EYS: variants seen among roughly 807,000 people sequenced by gnomAD.
The protein encoded by EYS is EGF-like photoreceptor maintenance factor.
Under a neutral mutation model 282.1 loss-of-function variants are expected in EYS, and 250 were observed. That is an observed-to-expected ratio of 0.89 (90% CI 0.80 to 0.98). EYS has a LOEUF of 0.98. Ranked by LOEUF, EYS falls within the 50% of genes least tolerant of loss-of-function variation. The probability of loss-of-function intolerance (pLI) is 0.00; values close to 1 mark genes in which losing one functional copy is unlikely to be tolerated. For synonymous variants in EYS, 1,355 were observed against 1,282.9 expected (o/e 1.06, Z -1.20); for missense variants, 4,016 against 3,709.0 (o/e 1.08, Z -2.15).
chr6:63,965,628 C>A (rs1345103176), intron 35 of EYS, among the ~76,000 whole-genome samples: 1 of 152,114 alleles, frequency 6.6e-6, no homozygotes, highest in Non-Finnish European at 1.5e-5. Flanking sequence ...TTTTCTATTT[C>A]AATTCTAACT....
chr6:65,418,316 C>A (rs1386723306), intron 5 of EYS, among the ~76,000 whole-genome samples: 1 of 151,968 alleles, frequency 6.6e-6, no homozygotes, highest in Non-Finnish European at 1.5e-5. Flanking sequence ...GGTTCTAGAT[C>A]CTTGAGGAAT....
intron 35 of EYS, among the ~76,000 whole-genome samples, chr6:63,898,507 AAAT>A (rs199863460): frequency 2.0e-5 from 3 of 149,306 alleles, no homozygotes; most frequent in Non-Finnish European, 4.4e-5. Flanking sequence ...ATAATAATAA[AAAT>A]AAATAAATAA....
At chr6:63,771,339 A>G (rs1360537707) in intron 40 of EYS, among the ~76,000 whole-genome samples, 1 of 152,174 alleles carries the variant, frequency 6.6e-6, no homozygotes, top group Non-Finnish European at 1.5e-5. Context: ...ATTGCCATGT[A>G]TTTACTGCAG....
rs16896819 is a variant in EYS at position 65,540,618 on chromosome 6, T to C, written c.-332-44625A>G. 7.7e-3 allele frequency among the ~76,000 whole-genome samples: 1,172 copies of C among 152,276 alleles called. 18 individuals carry two copies. Among genetic ancestry groups the C allele is most frequent in the African/African-American group, 0.025 (1,050 of 41,560 alleles). ...TTATATAGTAGGAAGCAATATTCTT[T>C]TAAAACTTAGAGAAAGGTGGCCGGG... On this transcript the variant is annotated intron_variant, in intron 2 of 42. Coordinates refer to ENST00000503581, the MANE Select transcript of EYS (RefSeq NM_001142800.2).
chr6:63,907,082 T>A (rs999250339), intron 35 of EYS, among the ~76,000 whole-genome samples: 1 of 152,166 alleles, frequency 6.6e-6, no homozygotes, highest in East Asian at 1.9e-4. Flanking sequence ...GGTGTTCTAT[T>A]TCCATAACTG....
chr6:65,315,087 A>T (rs908260584), intron 11 of EYS, among the ~76,000 whole-genome samples: 35 of 152,206 alleles, frequency 2.3e-4, no homozygotes, highest in African/African-American at 7.7e-4. Context: ...ATAGGGATAC[A>T]TTAATACCTG....
intron 22 of EYS, among the ~76,000 whole-genome samples, chr6:64,658,677 T>C (rs921713304): frequency 6.6e-6 from 1 of 152,206 alleles, no homozygotes; most frequent in Non-Finnish European, 1.5e-5. Context: ...CGGATATTGG[T>C]GAGCAGCAAA....
At chr6:64,663,067 A>T (rs1769100635) in intron 22 of EYS, among the ~76,000 whole-genome samples, 1 of 152,076 alleles carries the variant, frequency 6.6e-6, no homozygotes. Context: ...AGAGGGCTAG[A>T]TTTTTAAAAA....
At chr6:64,294,348 T>C (rs1768826063) in intron 30 of EYS, among the ~76,000 whole-genome samples, 1 of 152,182 alleles carries the variant, frequency 6.6e-6, no homozygotes. Flanking sequence ...AATTTAAATA[T>C]TTTGATAAAT....
chr6:65,462,067 A>G (rs1414388313), intron 5 of EYS, among the ~76,000 whole-genome samples: 2 of 152,156 alleles, frequency 1.3e-5, no homozygotes, highest in Non-Finnish European at 2.9e-5. Context: ...TAAATGAGGG[A>G]ATATCTTATA....
chr6:65,423,174 T>C (rs1767530458), intron 5 of EYS, among the ~76,000 whole-genome samples: 1 of 151,888 alleles, frequency 6.6e-6, no homozygotes, highest in South Asian at 2.1e-4. Context: ...GATTGGTTTT[T>C]ATCGTTGGGG....
chr6:65,282,109 A>G (rs571869332), intron 12 of EYS, among the ~76,000 whole-genome samples: 1 of 151,952 alleles, frequency 6.6e-6, no homozygotes, highest in African/African-American at 2.4e-5. Context: ...TGATTAATGA[A>G]TACAAAATTT....
intron 2 of EYS, among the ~76,000 whole-genome samples, chr6:65,585,202 A>G (rs531707918): frequency 7.2e-5 from 11 of 152,058 alleles, no homozygotes; most frequent in African/African-American, 2.4e-4. Flanking sequence ...CACAGTTAAA[A>G]ATAAATGTAT....
intron 31 of EYS, among the ~76,000 whole-genome samples, chr6:64,137,934 A>G (rs1774216564): frequency 6.6e-6 from 1 of 152,134 alleles, no homozygotes; most frequent in Non-Finnish European, 1.5e-5. Flanking sequence ...AAATAACAAA[A>G]CTCAGTATAT....
At chr6:64,490,900 T>C (rs977830397) in intron 26 of EYS, among the ~76,000 whole-genome samples, 3 of 150,806 alleles carry the variant, frequency 2.0e-5, no homozygotes, top group Non-Finnish European at 3.0e-5. Flanking sequence ...TCATGCATAT[T>C]ATGTGGTAGA....
rs562631659 is a variant in EYS, at chr6:64,616,926, T to C, written c.3684+492A>G. Among the ~76,000 whole-genome samples, 251 of 152,260 alleles carry C rather than the reference T, an allele frequency of 1.6e-3. 1 individual carries two copies. Among genetic ancestry groups the C allele is most frequent in the Non-Finnish European group, 2.8e-3 (190 of 68,002 alleles). ...ACTGTGGTCAAATGCTATTTTTTAA[T>C]AGAGACATTTTTACCAAGGAAAGTC... On this transcript the variant is annotated intron_variant, in intron 24 of 42. Coordinates refer to ENST00000503581, the MANE Select transcript of EYS (RefSeq NM_001142800.2).
chr6:65,442,737 G>C (rs756418282), intron 5 of EYS, among the ~76,000 whole-genome samples: 1 of 151,118 alleles, frequency 6.6e-6, no homozygotes, highest in Non-Finnish European at 1.5e-5. Context: ...CTGGGTGACA[G>C]AGCGAGACTC....
At chr6:63,911,574 C>A (rs1207431674) in intron 35 of EYS, among the ~76,000 whole-genome samples, 1 of 152,156 alleles carries the variant, frequency 6.6e-6, no homozygotes, top group South Asian at 2.1e-4. Context: ...AATTGATAAT[C>A]CTTGAGCAAT....
Position 65,058,580 on chromosome 6 carries a change from A to T in EYS, c.2024-853T>A, listed in dbSNP as rs1228357252. ...TATTATGGTGCCAGGGTGATGAATTACTTTTTTTCTAGTAATTTTACAACG... is the reference window on the plus strand; with the variant it reads ...TATTATGGTGCCAGGGTGATGAATTTCTTTTTTTCTAGTAATTTTACAACG... On this transcript the variant is annotated intron_variant, in intron 12 of 42. Transcript: ENST00000503581. Among the ~76,000 whole-genome samples, 3 of 150,922 alleles carry T rather than the reference A, an allele frequency of 2.0e-5. 1 individual carries two copies. The highest frequency in any genetic ancestry group is 1.3e-4 in the Admixed American group (2 of 14,952).
Sources: allele counts gnomAD v4.1 joint callset (sites outside exome capture counted in the v4.1 genomes callset), GRCh38; gene constraint gnomAD v4.1.1; transcripts MANE v1.5; gene names NCBI Gene and HGNC (gene_info 2026-07-23, HGNC 2026-07-21).